Variants in GPX3 observed in about 807,000 individuals in gnomAD.
GPX3 encodes the protein glutathione peroxidase 3.
GPX3 carries 22 observed loss-of-function variants against 25.1 expected under a neutral mutation model. The ratio of observed to expected loss-of-function variants is 0.88; its 90% CI spans 0.63 to 1.25. The LOEUF is 1.25. Among genes scored for constraint, GPX3 ranks in the 50% most tolerant of loss-of-function variants. The pLI is 0.00. For missense variants in GPX3, 278 were observed against 286.6 expected (o/e 0.97, Z 0.22); for synonymous variants, 110 against 114.5 (o/e 0.96, Z 0.25).
Position 151,028,173 on chromosome 5 carries a change from C to CTT in GPX3, c.*45_*46dup. 1 of 1,510,982 alleles carries CTT rather than the reference C, an allele frequency of 6.6e-7. No homozygotes were observed. The highest frequency in any genetic ancestry group is 9.0e-7 in the Non-Finnish European group (1 of 1,109,878). The allele number at this position is 1,510,982 out of a possible 1,614,324, so 93.6% of individuals were successfully genotyped here. A position where few individuals can be genotyped will look rare whatever the true frequency, so the allele number is the denominator to read the frequency against. ...CCATGTCCACCATGTAGGGGAGGGACTTTGTTCAGGAAGAAATCCGTGTCT... is the reference window on the plus strand; with the variant it reads ...CCATGTCCACCATGTAGGGGAGGGACTTTTTGTTCAGGAAGAAATCCGTGTCT... On this transcript the variant is annotated 3_prime_UTR_variant, in exon 5 of 5. Transcript: ENST00000388825.
intron 1 of GPX3, 100 bp from the exon 2 acceptor site, chr5:151,025,240 G>C: frequency 1.0e-6 from 1 of 979,230 alleles, no homozygotes; most frequent in Non-Finnish European, 1.5e-6. Context: ...ATTACTTTGA[G>C]AAAGTCACTC....
intron 2 of GPX3, among the ~76,000 whole-genome samples, chr5:151,026,244 G>C (rs1208487721): frequency 6.6e-6 from 1 of 152,178 alleles, no homozygotes; most frequent in African/African-American, 2.4e-5. Flanking sequence ...ACTGGCAGGG[G>C]GTCAGGGAGG....
chr5:151,025,316 C>T (rs371201325), intron 1 of GPX3, 24 bp from the exon 2 acceptor site: 6 of 1,521,984 alleles, frequency 3.9e-6, no homozygotes, highest in African/African-American at 2.8e-5. Flanking sequence ...GCTCTAACTG[C>T]TCCTTTTATG....
rs1187556261 is a variant in GPX3, at chr5:151,028,301, G to T, written c.*171G>T. The T allele has an allele frequency of 4.7e-6, 3 of 639,454 alleles. No individual in the cohort carries two copies. Among genetic ancestry groups the T allele is most frequent in the Non-Finnish European group, 8.3e-6 (3 of 362,212 alleles). The allele number at this position is 639,454 out of a possible 1,614,324, so 39.6% of individuals were successfully genotyped here. On this transcript the variant is annotated 3_prime_UTR_variant, in exon 5 of 5. Transcript: ENST00000388825. The stretch of plus-strand genomic sequence containing the variant: ...GTTCTGTGTACTGCCAGGCATGTGG[G>T]TGTGGGTGCATGTGGGTGTTTACAC...
In GPX3 at chr5:151,028,548, A is replaced by T; in HGVS notation, c.*418A>T. On this transcript the variant is annotated 3_prime_UTR_variant, in exon 5 of 5. Transcript: ENST00000388825. ...CTCTAGGTCCAATTGTTCTGCTCTA[A>T]CTGATACCTCAACCTTGGGGCCAGC... The T allele has an allele frequency of 5.4e-6, 1 of 184,162 alleles. No individual in the cohort carries two copies. The highest frequency in any genetic ancestry group is 1.2e-5 in the Non-Finnish European group (1 of 85,874). 11.4% of individuals were successfully genotyped at this position (184,162 alleles called of 1,614,324 possible). A position where few individuals can be genotyped will look rare whatever the true frequency, so the allele number is the denominator to read the frequency against.
chr5:151,026,604 G>A (rs1025139740), intron 2 of GPX3: 2 of 322,438 alleles, frequency 6.2e-6, no homozygotes, highest in Admixed American at 9.4e-5. Flanking sequence ...GGTTCTGAAT[G>A]AGTGCTCTAG....
At position 151,027,453 on chromosome 5, in the gene GPX3, C is replaced by A. The variant is rs762300821; in HGVS notation, c.381C>A (p.Gly127=). ...ACAGGTATGTCCGACCAGGTGGAGG[C>A]TTTGTCCCTAATTTCCAGCTCTTTG... ...PTLKYVRPGG[G]FVPNFQLFEK... is the part of the protein sequence containing the mutation. The change falls in exon 4 of 5, where the codon GGC becomes GGA. Residue 127 remains glycine, a synonymous_variant. Coordinates refer to ENST00000388825, the MANE Select transcript of GPX3 (RefSeq NM_002084.5). The A allele has an allele frequency of 4.3e-6, 7 of 1,613,300 alleles. No individual in the cohort carries two copies. In the African/African-American group the frequency reaches 9.3e-5, roughly 22 times the overall value.
rs929597263 is a variant in GPX3, at chr5:151,027,933, C to A, written c.484C>A (p.Leu162Ile). 2.5e-6 allele frequency: 4 copies of A among 1,614,216 alleles called. No homozygotes were observed. Among genetic ancestry groups the A allele is most frequent in the Non-Finnish European group, 3.4e-6 (4 of 1,180,030 alleles). Residue 162 changes from leucine to isoleucine, a missense_variant, in exon 5 of 5, where the codon CTC becomes ATC. Coordinates refer to ENST00000388825, the MANE Select transcript of GPX3 (RefSeq NM_002084.5). The stretch of plus-strand genomic sequence containing the variant: ...GAACTCCTGTCCTCCCACCTCGGAG[C>A]TCCTGGGTACATCTGACCGCCTCTT... ...LKNSCPPTSE[L>I]LGTSDRLFWE...
rs549582772 is a variant in GPX3, at chr5:151,028,192, C to T, written c.*62C>T. ...GAGGGACTTTGTTCAGGAAGAAATC[C>T]GTGTCTCCAACCACACTATCTACCC... is the stretch of plus-strand genomic sequence containing the variant. On this transcript the variant is annotated 3_prime_UTR_variant, in exon 5 of 5. Transcript: ENST00000388825. 5 of 1,435,546 alleles carry T rather than the reference C, an allele frequency of 3.5e-6. No homozygotes were observed. In the South Asian group the frequency reaches 3.7e-5, roughly 11 times the overall value. The allele number at this position is 1,435,546 out of a possible 1,614,324, so 88.9% of individuals were successfully genotyped here. A position where few individuals can be genotyped will look rare whatever the true frequency, so the allele number is the denominator to read the frequency against.
intron 3 of GPX3, 47 bp from the exon 4 acceptor site, chr5:151,027,385 C>A: frequency 8.1e-7 from 1 of 1,234,662 alleles, no homozygotes; most frequent in Non-Finnish European, 1.2e-6. Flanking sequence ...CATTTCTGAG[C>A]CCTGTGCCCA....
In GPX3 at chr5:151,026,992, A is replaced by C. The variant is rs369298257; in HGVS notation, c.334A>C (p.Asn112His). The C allele has an allele frequency of 5.9e-5, 96 of 1,613,654 alleles. No homozygotes were observed. The highest frequency in any genetic ancestry group is 8.0e-5 in the Non-Finnish European group (94 of 1,179,560). The change falls in exon 3 of 5, where the codon AAC (asparagine) becomes CAC (histidine). Residue 112 changes from asparagine (N) to histidine (H), a missense_variant. Asn to His is a moderately conservative substitution (Grantham distance 68). Transcript: ENST00000388825. Reference protein sequence around the residue: ...NQFGKQEPGENSEILPTLKYV... With the variant: ...NQFGKQEPGEHSEILPTLKYV... ...ATTTGGAAAACAGGAACCAGGAGAG[A>C]ACTCAGAGATCCTTCCTACCCTCAA...
chr5:151,024,487 C>T (rs1173911703), intron 1 of GPX3, among the ~76,000 whole-genome samples: 6 of 151,930 alleles, frequency 3.9e-5, no homozygotes, highest in African/African-American at 1.2e-4. Context: ...AACTCAGGTC[C>T]GAAGAAAAGA....
chr5:151,027,266 G>A (rs1252543649), intron 3 of GPX3, among the ~76,000 whole-genome samples, 166 bp from the exon 4 acceptor site: 4 of 152,234 alleles, frequency 2.6e-5, no homozygotes, highest in Admixed American at 2.6e-4. Flanking sequence ...AAGGAAGACC[G>A]TGGACTCACA....
chr5:151,027,048 T>G, intron 3 of GPX3, 31 bp downstream of exon 3: 1 of 1,405,898 alleles, frequency 7.1e-7, no homozygotes, highest in Non-Finnish European at 1.0e-6. Context: ...CTGAGAAAGC[T>G]CCTCTCACAT....
rs748643419 is a variant in GPX3 at position 151,027,953 on chromosome 5, C to T, written c.504C>T (p.Arg168=). ...CGGAGCTCCTGGGTACATCTGACCG[C>T]CTCTTCTGGGAACCCATGAAGGTTC... ...PTSELLGTSD[R]LFWEPMKVHD... The change falls in exon 5 of 5, where the codon CGC becomes CGT. Residue 168 remains arginine (R), a synonymous_variant. Transcript: ENST00000388825. 2.5e-6 allele frequency: 4 copies of T among 1,614,220 alleles called. No individual in the cohort carries two copies. The highest frequency in any genetic ancestry group is 2.5e-6 in the Non-Finnish European group (3 of 1,180,026).
Position 151,027,511 on chromosome 5 carries a change from A to G in GPX3, c.439A>G (p.Lys147Glu), listed in dbSNP as rs1261229138. ...KGDVNGEKEQ[K>E]FYTFLKNSCP... ...GGATGTCAATGGAGAGAAAGAGCAG[A>G]AATTCTACACTTTCCTAAAGGTAAG... The change falls in exon 4 of 5, where the codon AAA becomes GAA. Residue 147 changes from lysine (K) to glutamate (E), a missense_variant. Transcript: ENST00000388825. 3.7e-6 allele frequency: 6 copies of G among 1,611,512 alleles called. No homozygotes were observed. Among genetic ancestry groups the G allele is most frequent in the Non-Finnish European group, 5.1e-6 (6 of 1,177,684 alleles).
chr5:151,020,907 C>T (rs1187524404), intron 1 of GPX3, 166 bp downstream of exon 1: 2 of 704,316 alleles, frequency 2.8e-6, no homozygotes, highest in Non-Finnish European at 5.1e-6. Context: ...GCCGGGACCC[C>T]GCCCCCGACC....
intron 1 of GPX3, among the ~76,000 whole-genome samples, chr5:151,023,666 GA>G (rs1271830807): frequency 6.6e-6 from 1 of 152,144 alleles, no homozygotes; most frequent in Non-Finnish European, 1.5e-5. Flanking sequence ...CTGGCCACTA[GA>G]TCTTTGTGGC....
At position 151,020,607 on chromosome 5, in the gene GPX3, G is replaced by A; in HGVS notation, c.-48G>A. ...GGACACCTCAGACGGACGGTGGCCA[G>A]GGATCAGGCAGCGGCTCAGGCGACC... On this transcript the variant is annotated 5_prime_UTR_variant, in exon 1 of 5. Coordinates refer to ENST00000388825, the MANE Select transcript of GPX3 (RefSeq NM_002084.5). 2 of 1,519,496 alleles carry A rather than the reference G, an allele frequency of 1.3e-6. No homozygotes were observed. The highest frequency in any genetic ancestry group is 1.2e-5 in the South Asian group (1 of 84,576). The allele number at this position is 1,519,496 out of a possible 1,614,324, so 94.1% of individuals were successfully genotyped here.
Sources: gnomAD v4.1 joint callset for allele counts (sites outside exome capture counted in the v4.1 genomes callset) on GRCh38, gnomAD v4.1.1 for gene constraint, MANE v1.5 for transcripts, NCBI Gene and HGNC (gene_info 2026-07-23, HGNC 2026-07-21) for gene names.